The following PRDM16 variants were observed in gnomAD, a reference collection of about 807,000 sequenced individuals.
The protein encoded by PRDM16 is PR/SET domain 16.
PRDM16 carries 23 observed loss-of-function variants against 110.6 expected under a neutral mutation model. The observed-to-expected ratio is 0.21, with a 90% CI of 0.15 to 0.29. The LOEUF (loss-of-function observed/expected upper bound fraction) is 0.29, where lower values mean the gene tolerates loss of function less well. PRDM16 is among the 10% of genes least tolerant of loss of function. The probability of loss-of-function intolerance (pLI) is 1.00; values close to 1 mark genes in which losing one functional copy is unlikely to be tolerated. For synonymous variants in PRDM16, 799 were observed against 781.8 expected (o/e 1.02, Z -0.37); for missense variants, 1,615 against 1,794.3 (o/e 0.90, Z 1.81).
At chr1:3,349,965 G>A (rs370871057) in intron 3 of PRDM16, among the ~76,000 whole-genome samples, 12 of 96,234 alleles carry the variant, frequency 1.2e-4, no homozygotes, top group East Asian at 6.5e-4. Flanking sequence ...TGTGCCTAGC[G>A]GGGTCCTGAG....
intron 2 of PRDM16, among the ~76,000 whole-genome samples, chr1:3,210,177 A>C (rs58581483): frequency 0.11 from 16,541 of 152,180 alleles, 1,178 homozygotes; most frequent in African/African-American, 0.2. Context: ...GCTTCATGTT[A>C]CTCTGGGCTT....
At chr1:3,308,495 G>A (rs2100408230) in intron 3 of PRDM16, 1 of 152,428 alleles carries the variant, frequency 6.6e-6, no homozygotes, top group East Asian at 1.9e-4. Flanking sequence ...TCAGGAACGT[G>A]GGGCATGGAG....
rs1179892867 is a variant in PRDM16 at position 3,348,840 on chromosome 1, C to T, written c.439-36312C>T. 5.3e-5 allele frequency among the ~76,000 whole-genome samples: 8 copies of T among 152,342 alleles called. No individual in the cohort carries two copies. In the East Asian group the frequency reaches 1.5e-3, roughly 29 times the overall value. ...AAGAGCTCAGAGCTTCCCGCATCTG[C>T]AGTGGGCAGTTTTTCCACCCAGGCC... On this transcript the variant is annotated intron_variant, in intron 3 of 16. Transcript: ENST00000270722.
At chr1:3,186,598 G>A in intron 2 of PRDM16, 124 bp downstream of exon 2, 1 of 628,214 alleles carries the variant, frequency 1.6e-6, no homozygotes. Flanking sequence ...GCGTTCAAAT[G>A]TCACATTTCC....
intron 1 of PRDM16, among the ~76,000 whole-genome samples, chr1:3,072,996 C>T (rs1216505958): frequency 1.3e-5 from 2 of 152,242 alleles, no homozygotes; most frequent in Admixed American, 6.5e-5. Context: ...GGACAGGCAC[C>T]GGCCATGCCT....
At chr1:3,084,909 C>T (rs1170668364) in intron 1 of PRDM16, among the ~76,000 whole-genome samples, 1 of 152,190 alleles carries the variant, frequency 6.6e-6, no homozygotes, top group African/African-American at 2.4e-5. Flanking sequence ...GCCTGTAGGT[C>T]CAGGGTGGCT....
intron 8 of PRDM16, among the ~76,000 whole-genome samples, chr1:3,410,285 C>G (rs1243282771): frequency 1.3e-5 from 2 of 152,138 alleles, no homozygotes; most frequent in Non-Finnish European, 2.9e-5. Flanking sequence ...GCCGGAACCC[C>G]CAGGCCGCTG....
At chr1:3,186,036 A>G in intron 1 of PRDM16, 89 bp from the exon 2 acceptor site, 1 of 1,153,312 alleles carries the variant, frequency 8.7e-7, no homozygotes. Flanking sequence ...CTCGGTGCCC[A>G]TTGATGCCCG....
At chr1:3,324,796 C>T (rs1411533936) in intron 3 of PRDM16, among the ~76,000 whole-genome samples, 3 of 150,668 alleles carry the variant, frequency 2.0e-5, no homozygotes, top group Admixed American at 6.6e-5. Flanking sequence ...TCAAACTCGG[C>T]GAGTGAGCAG....
chr1:3,364,205 G>A (rs554023865), intron 3 of PRDM16, among the ~76,000 whole-genome samples: 229 of 152,296 alleles, frequency 1.5e-3, no homozygotes, highest in Middle Eastern at 3.4e-3. Flanking sequence ...CCGTGGCCAC[G>A]ACGTGGCAGT....
At chr1:3,422,913 AG>A (rs1006176293) in intron 12 of PRDM16, among the ~76,000 whole-genome samples, 1 of 152,218 alleles carries the variant, frequency 6.6e-6, no homozygotes, top group African/African-American at 2.4e-5. Context: ...GGGCAGGAGC[AG>A]GGGCTCCCAG....
chr1:3,385,474 C>T (rs1325285593), intron 4 of PRDM16, among the ~76,000 whole-genome samples, 188 bp downstream of exon 4: 1 of 152,168 alleles, frequency 6.6e-6, no homozygotes. Context: ...AGCTGACTCA[C>T]CCCGGGAGGG....
intron 3 of PRDM16, among the ~76,000 whole-genome samples, chr1:3,381,672 A>T (rs565962953): frequency 1.2e-4 from 19 of 152,258 alleles, no homozygotes; most frequent in South Asian, 4.2e-4. Flanking sequence ...TATAGGCATG[A>T]GCCACCGTGC....
chr1:3,181,952 TCTTACACATGC>T (rs1351452001), intron 1 of PRDM16, among the ~76,000 whole-genome samples: 4 of 152,102 alleles, frequency 2.6e-5, no homozygotes, highest in South Asian at 4.2e-4. Flanking sequence ...ACACACACAG[TCTTACACATGC>T]CTTACACATG....
intron 3 of PRDM16, among the ~76,000 whole-genome samples, chr1:3,314,205 G>C (rs935503487): frequency 6.6e-6 from 1 of 152,024 alleles, no homozygotes; most frequent in Admixed American, 6.5e-5. Flanking sequence ...CCCACGTGGT[G>C]GGGGAGGACC....
intron 1 of PRDM16, among the ~76,000 whole-genome samples, chr1:3,169,571 G>A (rs938149427): frequency 5.9e-5 from 9 of 152,194 alleles, no homozygotes; most frequent in Admixed American, 2.6e-4. Flanking sequence ...GCCAGGTCCC[G>A]GGGTTGTTGC....
chr1:3,422,021 C>T (rs1024969504), intron 12 of PRDM16, among the ~76,000 whole-genome samples: 1 of 146,230 alleles, frequency 6.8e-6, no homozygotes, highest in African/African-American at 2.6e-5. Context: ...GGCAGGAAGG[C>T]AGACAGACAG....
chr1:3,263,247 C>T (rs1640210628), intron 3 of PRDM16, among the ~76,000 whole-genome samples: 1 of 152,198 alleles, frequency 6.6e-6, no homozygotes. Flanking sequence ...AGGCTGAGGG[C>T]CGGGACACTG....
chr1:3,404,918 G>A (rs573067388), intron 7 of PRDM16, 32 bp downstream of exon 7: 70 of 1,604,730 alleles, frequency 4.4e-5, no homozygotes, highest in Non-Finnish European at 5.1e-5. Context: ...TCTCAGCCCC[G>A]GGGCAGCAGG....
Sources: allele counts gnomAD v4.1 joint callset (sites outside exome capture counted in the v4.1 genomes callset), GRCh38; gene constraint gnomAD v4.1.1; transcripts MANE v1.5; gene names NCBI Gene and HGNC (gene_info 2026-07-23, HGNC 2026-07-21).